SNX29: variants seen among roughly 807,000 people sequenced by gnomAD.
The protein encoded by SNX29 is sorting nexin-29.
SNX29 carries 78 observed loss-of-function variants against 102.1 expected under a neutral mutation model. The observed-to-expected ratio is 0.76, with a 90% CI of 0.64 to 0.92. The LOEUF is 0.92. Ranked by LOEUF, SNX29 falls within the 40% of genes least tolerant of loss-of-function variation. SNX29 has a pLI of 0.00. For synonymous variants in SNX29, 580 were observed against 414.5 expected, an observed-to-expected ratio of 1.40 and a Z score of -4.85; for missense variants, 1,280 against 1,061.7, an observed-to-expected ratio of 1.21 and a Z score of -2.86.
At chr16:12,007,238 C>G (rs1173839774) in intron 3 of SNX29, among the ~76,000 whole-genome samples, 1 of 152,228 alleles carries the variant, frequency 6.6e-6, no homozygotes, top group Non-Finnish European at 1.5e-5. Context: ...GATGCAGTGG[C>G]TCACGCCTAT....
intron 20 of SNX29, among the ~76,000 whole-genome samples, chr16:12,542,689 G>A (rs576501875): frequency 6.6e-6 from 1 of 152,188 alleles, no homozygotes; most frequent in Admixed American, 6.5e-5. Context: ...TGGACTTTGG[G>A]GCCAGGCTGG....
chr16:12,288,447 G>T (rs1306203115), intron 15 of SNX29, among the ~76,000 whole-genome samples: 1 of 152,044 alleles, frequency 6.6e-6, no homozygotes, highest in Non-Finnish European at 1.5e-5. Context: ...CTCTGTTTGC[G>T]GGGTCACCCT....
chr16:12,564,937 A>T (rs1371369513), intron 20 of SNX29, among the ~76,000 whole-genome samples: 8 of 28,732 alleles, frequency 2.8e-4, no homozygotes, highest in Admixed American at 2.8e-3. Flanking sequence ...TTGGTGTTAA[A>T]AAAAAAAAAA....
intron 16 of SNX29, among the ~76,000 whole-genome samples, chr16:12,394,991 C>T (rs1340291500): frequency 6.6e-6 from 1 of 152,124 alleles, no homozygotes; most frequent in Admixed American, 6.5e-5. Context: ...GTTCCCTGTT[C>T]ATCTTTACCA....
At chr16:12,320,218 A>G (rs923425591) in intron 15 of SNX29, among the ~76,000 whole-genome samples, 1 of 152,158 alleles carries the variant, frequency 6.6e-6, no homozygotes, top group Non-Finnish European at 1.5e-5. Flanking sequence ...GTGTCCTTCC[A>G]GGATGAGAAG....
intron 15 of SNX29, among the ~76,000 whole-genome samples, chr16:12,336,948 AAAC>A (rs1415845618): frequency 6.6e-6 from 1 of 152,080 alleles, no homozygotes; most frequent in Non-Finnish European, 1.5e-5. Context: ...CCTGTCTCAA[AAAC>A]AAACAAACAA....
At chr16:11,978,350 CA>C (rs2055347157) in intron 1 of SNX29, among the ~76,000 whole-genome samples, 1 of 152,234 alleles carries the variant, frequency 6.6e-6, no homozygotes, top group East Asian at 1.9e-4. Flanking sequence ...ATCCTGGGTT[CA>C]AATCTTGGCC....
chr16:12,048,635 G>A lies in SNX29; in HGVS notation c.748+15G>A. ...TGTCAGTGCTGGTGAGTGGGAACGGGTGCTCGAGGCGGAGCAGAGGGAATC... is the reference window on the plus strand; with the variant it reads ...TGTCAGTGCTGGTGAGTGGGAACGGATGCTCGAGGCGGAGCAGAGGGAATC... On this transcript the variant is annotated intron_variant, in intron 7 of 20. Coordinates refer to ENST00000566228, the MANE Select transcript of SNX29 (RefSeq NM_032167.5). The A allele has an allele frequency of 6.2e-7, 1 of 1,613,930 alleles. No homozygotes were observed. The highest frequency in any genetic ancestry group is 8.5e-7 in the Non-Finnish European group (1 of 1,179,856).
intron 13 of SNX29, among the ~76,000 whole-genome samples, chr16:12,168,126 A>G (rs2076060134): frequency 6.6e-6 from 1 of 152,212 alleles, no homozygotes; most frequent in Non-Finnish European, 1.5e-5. Context: ...TACTCACTTT[A>G]GTACAAAGAG....
intron 20 of SNX29, among the ~76,000 whole-genome samples, chr16:12,539,738 C>G (rs780506909): frequency 3.3e-5 from 5 of 152,188 alleles, no homozygotes; most frequent in African/African-American, 9.7e-5. Flanking sequence ...CACAAGGATG[C>G]AGAATATTTC....
At chr16:12,030,804 C>A (rs2057319228) in intron 4 of SNX29, among the ~76,000 whole-genome samples, 1 of 152,172 alleles carries the variant, frequency 6.6e-6, no homozygotes, top group Non-Finnish European at 1.5e-5. Flanking sequence ...CTGTATCTGT[C>A]TCTGTTCTAC....
intron 20 of SNX29, among the ~76,000 whole-genome samples, chr16:12,549,975 T>TCA (rs1220767162): frequency 6.6e-6 from 1 of 152,258 alleles, no homozygotes; most frequent in East Asian, 1.9e-4. Context: ...GCCCAGTCAT[T>TCA]CACACTTCAT....
chr16:12,186,357 C>T (rs2076509474), intron 13 of SNX29, among the ~76,000 whole-genome samples: 1 of 152,206 alleles, frequency 6.6e-6, no homozygotes, highest in East Asian at 1.9e-4. Context: ...ACAGATTTAT[C>T]TGTATCTATA....
chr16:12,507,406 G>A (rs1016892735), intron 19 of SNX29, among the ~76,000 whole-genome samples: 1 of 152,210 alleles, frequency 6.6e-6, no homozygotes, highest in Non-Finnish European at 1.5e-5. Context: ...ATGCAGAATC[G>A]AACCCTCCCC....
At chr16:12,554,203 A>G (rs559217535) in intron 20 of SNX29, among the ~76,000 whole-genome samples, 36 of 152,340 alleles carry the variant, frequency 2.4e-4, no homozygotes, top group African/African-American at 8.2e-4. Context: ...CATTTGAACG[A>G]TGAGCATATA....
chr16:12,320,078 G>C (rs2080882191), intron 15 of SNX29, among the ~76,000 whole-genome samples: 1 of 152,150 alleles, frequency 6.6e-6, no homozygotes, highest in Non-Finnish European at 1.5e-5. Context: ...CTTCCAGTGG[G>C]GCAGACACAG....
chr16:12,103,173 G>T (rs372157559), intron 11 of SNX29, among the ~76,000 whole-genome samples: 1 of 152,076 alleles, frequency 6.6e-6, no homozygotes, highest in South Asian at 2.1e-4. Context: ...AAGCTACCAT[G>T]CACTTTCTTC....
chr16:12,097,605 G>C (rs1337915824), intron 11 of SNX29, among the ~76,000 whole-genome samples: 1 of 151,412 alleles, frequency 6.6e-6, no homozygotes, highest in Admixed American at 6.6e-5. Flanking sequence ...CATTCCTCCT[G>C]ACCTCCCTAA....
intron 16 of SNX29, among the ~76,000 whole-genome samples, chr16:12,396,359 G>A (rs903062812): frequency 6.6e-6 from 1 of 152,178 alleles, no homozygotes. Context: ...TGTGATTGAG[G>A]TTCCTGGGTG....
Sources: allele counts gnomAD v4.1 joint callset (sites outside exome capture counted in the v4.1 genomes callset), GRCh38; gene constraint gnomAD v4.1.1; transcripts MANE v1.5; gene names NCBI Gene and HGNC (gene_info 2026-07-23, HGNC 2026-07-21).